Variants in PSD4 observed in about 807,000 individuals in gnomAD.
The protein encoded by PSD4 is pleckstrin and Sec7 domain containing 4, also known as PH and SEC7 domain-containing protein 4.
PSD4 carries 59 observed loss-of-function variants against 112.5 expected under a neutral mutation model. The observed-to-expected ratio is 0.52, with a 90% CI of 0.43 to 0.65. PSD4 has a LOEUF of 0.65. PSD4 is among the 30% of genes least tolerant of loss of function. The pLI is 0.00. For missense variants in PSD4, 1,267 were observed against 1,352.6 expected (o/e 0.94, Z 0.99); for synonymous variants, 533 against 540.0 (o/e 0.99, Z 0.18).
intron 10 of PSD4, among the ~76,000 whole-genome samples, chr2:113,195,165 C>T (rs74434608): frequency 2.1e-5 from 3 of 145,820 alleles, no homozygotes; most frequent in Non-Finnish European, 4.5e-5. Flanking sequence ...TGGTCATCAT[C>T]TTTTTTTTTT....
chr2:113,196,297 C>T lies in PSD4; in HGVS notation c.2376C>T (p.Asp792=), dbSNP rs763858380. The T allele has an allele frequency of 1.5e-5, 24 of 1,613,148 alleles. No homozygotes were observed. Among genetic ancestry groups the T allele is most frequent in the Middle Eastern group, 1.7e-4 (1 of 6,060 alleles). ...ILARKMHQDA[D]GKKTPWGKRG... ...CTCGGAAAATGCATCAAGATGCAGA[C>T]GGCAAGAAGAGTGAGTGTCTGCTGC... The change falls in exon 12 of 17, where the codon GAC becomes GAT. Residue 792 remains aspartate (D), a synonymous_variant. Transcript: ENST00000245796.
rs575895599 is a variant in PSD4, at chr2:113,195,919, G to C, written c.2225+149G>C. The C allele has an allele frequency of 2.6e-4, 313 of 1,183,044 alleles. 3 individuals are homozygous for C. In the South Asian group the frequency reaches 4.2e-3, roughly 16 times the overall value. 73.3% of individuals were successfully genotyped at this position (1,183,044 alleles called of 1,614,324 possible). A position where few individuals can be genotyped will look rare whatever the true frequency, so the allele number is the denominator to read the frequency against. On this transcript the variant is annotated intron_variant, in intron 11 of 16. Transcript: ENST00000245796. ...AGCCAGAGGCAGGGCTCTGGGGAGA[G>C]AGCATAGAGGAGCCCAAGTAATACC...
At chr2:113,177,661 C>G (rs980007302) in intron 1 of PSD4, among the ~76,000 whole-genome samples, 2 of 148,046 alleles carry the variant, frequency 1.4e-5, no homozygotes, top group Non-Finnish European at 3.0e-5. Context: ...ATTTCAAATC[C>G]AGTTGAACTA....
intron 5 of PSD4, 138 bp downstream of exon 5, chr2:113,186,393 T>A: frequency 2.1e-6 from 2 of 962,860 alleles, no homozygotes; most frequent in Non-Finnish European, 3.0e-6. Flanking sequence ...TATGAGTGGG[T>A]ACCAGGAAGA....
At position 113,197,537 on chromosome 2, in the gene PSD4, A is replaced by AGAAC. The variant is rs145463153; in HGVS notation, c.2387-27_2387-26insGAAC. 2,696 of 1,613,816 alleles carry AGAAC rather than the reference A, an allele frequency of 1.7e-3. 42 individuals are homozygous for AGAAC. The East Asian group carries it at 0.042, about 25-fold the overall frequency. The stretch of plus-strand genomic sequence containing the variant: ...TCTGGATGCTGGTGCCCCCACCTAC[A>AGAAC]ACATTTGTGTTCTGTTCCTGGAACA... On this transcript the variant is annotated intron_variant, in intron 12 of 16. Transcript: ENST00000245796.
chr2:113,193,190 C>A (rs993727196), intron 7 of PSD4, 62 bp downstream of exon 7: 1 of 1,601,392 alleles, frequency 6.2e-7, no homozygotes, highest in Non-Finnish European at 8.5e-7. Flanking sequence ...GTGGCACCAG[C>A]CTGAGGCTGG....
chr2:113,192,528 T>A lies in PSD4; in HGVS notation c.1777T>A (p.Ser593Thr). Residue 593 changes from serine to threonine, a missense_variant, in exon 6 of 17, where the codon TCA becomes ACA. Physicochemically the swap from Ser to Thr is moderately conservative, Grantham distance 58. This residue lies in a region of PSD4 where 544 missense variants were observed against 648.6 expected (regional missense o/e 0.84). Coordinates refer to ENST00000245796, the MANE Select transcript of PSD4 (RefSeq NM_012455.3). ...RNNKVAWNLA[S>T]RLYRLEGFRK... ...CAACAAGGTAGCCTGGAACTTGGCC[T>A]CACGCCTCTATCGCCTGGAGGGCTT... 6.2e-7 allele frequency: 1 copy of A among 1,614,232 alleles called. No homozygotes were observed. Among genetic ancestry groups the A allele is most frequent in the Non-Finnish European group, 8.5e-7 (1 of 1,180,034 alleles).
At position 113,182,898 on chromosome 2, in the gene PSD4, C is replaced by T. The variant is rs760622330; in HGVS notation, c.442C>T (p.Arg148Trp). 32 of 1,614,086 alleles carry T rather than the reference C, an allele frequency of 2.0e-5. No homozygotes were observed. Among genetic ancestry groups the T allele is most frequent in the African/African-American group, 2.7e-5 (2 of 74,944 alleles). Residue 148 changes from arginine (R) to tryptophan (W), a missense_variant, in exon 2 of 17, where the codon CGG (arginine) becomes TGG (tryptophan). By Grantham distance (101) the Arg-to-Trp change is moderately radical. Transcript: ENST00000245796. ...TCTACCGGGGAGCCCAAAGCAGAAC[C>T]GGAGCACGTCCACACAGGTAGTGTT... ...SHLPGSPKQNRSTSTQVVFWA... is the reference protein window; with the variant it reads ...SHLPGSPKQNWSTSTQVVFWA...
intron 1 of PSD4, among the ~76,000 whole-genome samples, chr2:113,177,063 T>C (rs184413846): frequency 6.6e-6 from 1 of 152,278 alleles, no homozygotes; most frequent in Non-Finnish European, 1.5e-5. Flanking sequence ...ACAAGACAAT[T>C]GAATGGGTCC....
In PSD4 at chr2:113,176,930, A is replaced by C. The variant is rs182237341; in HGVS notation, c.-112+2876A>C. Among the ~76,000 whole-genome samples, 6 of 152,274 alleles carry C rather than the reference A, an allele frequency of 3.9e-5. No homozygotes were observed. In the East Asian group the frequency reaches 9.7e-4, roughly 25 times the overall value. ...GTAGGACTGCCTTTTTGGCCTTAGGAGGTGACTTCACCTTTTAGGTCATCC... is the reference window on the plus strand; with the variant it reads ...GTAGGACTGCCTTTTTGGCCTTAGGCGGTGACTTCACCTTTTAGGTCATCC... On this transcript the variant is annotated intron_variant, in intron 1 of 16. Coordinates refer to ENST00000245796, the MANE Select transcript of PSD4 (RefSeq NM_012455.3).
chr2:113,183,384 G>T lies in PSD4; in HGVS notation c.928G>T (p.Ala310Ser). ...LESEPDLGDG[A>S]AISGHCTPPF... ...AAGTGAGCCAGATTTGGGGGACGGC[G>T]CTGCTATCAGTGGGCATTGTACCCC... is the stretch of plus-strand genomic sequence containing the variant. Residue 310 changes from alanine to serine, a missense_variant, in exon 2 of 17, where the codon GCT (alanine) becomes TCT (serine). By Grantham distance (99) the Ala-to-Ser change is moderately conservative. Coordinates refer to ENST00000245796, the MANE Select transcript of PSD4 (RefSeq NM_012455.3). 1 of 1,576,588 alleles carries T rather than the reference G, an allele frequency of 6.3e-7. No individual in the cohort carries two copies. The highest frequency in any genetic ancestry group is 8.6e-7 in the Non-Finnish European group (1 of 1,160,412).
Position 113,185,382 on chromosome 2 carries a change from G to A in PSD4, c.1191G>A (p.Glu397=). ...CTCAACAGGCCTCTCTCAGCCCTGA[G>A]GGCTGGCAGAGAGGAGGTCCTTTTT... The part of the protein sequence containing the change: ...PVQPWASLSP[E]GWQRGGPFWP... The change falls in exon 4 of 17, where the codon GAG becomes GAA. Residue 397 remains glutamate (E), a synonymous_variant. Transcript: ENST00000245796. 6.2e-7 allele frequency: 1 copy of A among 1,614,182 alleles called. No homozygotes were observed. The highest frequency in any genetic ancestry group is 8.5e-7 in the Non-Finnish European group (1 of 1,180,048).
At chr2:113,188,730 G>A (rs564569447) in intron 5 of PSD4, among the ~76,000 whole-genome samples, 93 of 152,116 alleles carry the variant, frequency 6.1e-4, no homozygotes, top group Middle Eastern at 3.4e-3. Context: ...ACAGGCGCCC[G>A]CCACTGCGCC....
At chr2:113,180,861 G>T (rs1688113512) in intron 1 of PSD4, among the ~76,000 whole-genome samples, 1 of 152,130 alleles carries the variant, frequency 6.6e-6, no homozygotes, top group Non-Finnish European at 1.5e-5. Context: ...TAGCTCACAA[G>T]CACGCACGTA....
intron 1 of PSD4, among the ~76,000 whole-genome samples, chr2:113,174,804 G>A (rs1273324863): frequency 6.6e-6 from 1 of 152,198 alleles, no homozygotes; most frequent in Non-Finnish European, 1.5e-5. Flanking sequence ...GCTGCATGGA[G>A]GGAAAGTCCC....
Position 113,173,990 on chromosome 2 carries a change from A to T in PSD4, c.-176A>T, listed in dbSNP as rs1687897368. On this transcript the variant is annotated 5_prime_UTR_variant, in exon 1 of 17. Coordinates refer to ENST00000245796, the MANE Select transcript of PSD4 (RefSeq NM_012455.3). ...ACAGCCACATTCACTGGGCAAGCCG[A>T]CTGTGAGCCAGGAAGTGCTCTTGGG... is the stretch of plus-strand genomic sequence containing the variant. 6.6e-6 allele frequency: 1 copy of T among 152,430 alleles called. No individual in the cohort carries two copies. The highest frequency in any genetic ancestry group is 6.5e-5 in the Admixed American group (1 of 15,282). 9.4% of individuals were successfully genotyped at this position (152,430 alleles called of 1,614,324 possible).
chr2:113,190,483 T>C (rs1418217585), intron 5 of PSD4, among the ~76,000 whole-genome samples: 1 of 152,232 alleles, frequency 6.6e-6, no homozygotes, highest in African/African-American at 2.4e-5. Context: ...TTGCCCAGCC[T>C]GGAGTGTGAG....
chr2:113,185,223 G>A (rs1156622966), intron 3 of PSD4, 142 bp from the exon 4 acceptor site: 3 of 1,545,986 alleles, frequency 1.9e-6, no homozygotes, highest in African/African-American at 1.4e-5. Flanking sequence ...TCCAGCCTGG[G>A]TGGGAGGAGG....
At position 113,208,533 on chromosome 2, in the gene PSD4, G is replaced by C. The variant is rs1468824362; in HGVS notation, c.*7118G>C. 1.3e-5 allele frequency: 2 copies of C among 152,204 alleles called. No individual in the cohort carries two copies. Among genetic ancestry groups the C allele is most frequent in the African/African-American group, 4.8e-5 (2 of 41,436 alleles). 9.4% of individuals were successfully genotyped at this position (152,204 alleles called of 1,614,324 possible). On this transcript the variant is annotated 3_prime_UTR_variant, in exon 17 of 17. Transcript: ENST00000245796. ...GTTTGCTTTGAAAGATCACACACCA[G>C]GATACATACAGAGATGTGACCCGGA...
Sources: gnomAD v4.1 joint callset for allele counts (sites outside exome capture counted in the v4.1 genomes callset) on GRCh38, gnomAD v4.1.1 for gene constraint, gnomAD v4.1.1 regional missense constraint, MANE v1.5 for transcripts, NCBI Gene and HGNC (gene_info 2026-07-23, HGNC 2026-07-21) for gene names.